MRPL1: variants seen among roughly 807,000 people sequenced by gnomAD.
MRPL1 encodes mitochondrial ribosomal protein L1.
A neutral mutation model predicts 38.0 loss-of-function variants in MRPL1; 28 were observed. The ratio of observed to expected loss-of-function variants is 0.74; its 90% CI spans 0.55 to 1.01. The LOEUF is 1.01. Ranked by LOEUF, MRPL1 falls within the 50% of genes least tolerant of loss-of-function variation. The pLI is 0.00. For missense variants in MRPL1, 358 were observed against 389.8 expected, an observed-to-expected ratio of 0.92 and a Z score of 0.69; for synonymous variants, 123 against 126.7, an observed-to-expected ratio of 0.97 and a Z score of 0.20.
intron 4 of MRPL1, among the ~76,000 whole-genome samples, chr4:77,886,237 TACTC>T (rs1400716685): frequency 6.6e-6 from 1 of 152,116 alleles, no homozygotes; most frequent in East Asian, 1.9e-4. Context: ...GGTGCAGTCA[TACTC>T]ACTATAGCCT....
intron 7 of MRPL1, among the ~76,000 whole-genome samples, chr4:77,924,312 A>T (rs1165400300): frequency 6.6e-6 from 1 of 152,110 alleles, no homozygotes; most frequent in East Asian, 1.9e-4. Context: ...TGTGCTCAAG[A>T]GCAGTTTATA....
intron 6 of MRPL1, among the ~76,000 whole-genome samples, chr4:77,908,537 T>C (rs1200572215): frequency 6.6e-6 from 1 of 152,164 alleles, no homozygotes; most frequent in East Asian, 1.9e-4. Flanking sequence ...CTGGCCAGTG[T>C]TATCTTTTGC....
chr4:77,896,300 C>T (rs1280343450), intron 6 of MRPL1, among the ~76,000 whole-genome samples: 3 of 151,918 alleles, frequency 2.0e-5, no homozygotes, highest in African/African-American at 7.3e-5. Context: ...CTTTATTTCT[C>T]CTTTCATAAT....
chr4:77,947,157 C>T (rs1398228336), intron 7 of MRPL1, among the ~76,000 whole-genome samples: 1 of 152,052 alleles, frequency 6.6e-6, no homozygotes, highest in African/African-American at 2.4e-5. Flanking sequence ...CACCTGTGTC[C>T]ACTGAGCCAC....
At chr4:77,885,402 C>T in intron 4 of MRPL1, 63 bp downstream of exon 4, 2 of 1,298,644 alleles carry the variant, frequency 1.5e-6, no homozygotes, top group East Asian at 2.4e-5. Flanking sequence ...GAGTCTCACT[C>T]TGTCACCAGT....
At position 77,929,392 on chromosome 4, in the gene MRPL1, G is replaced by A. The variant is rs1228687901; in HGVS notation, c.777+20020G>A. Among the ~76,000 whole-genome samples, 7 of 152,268 alleles carry A rather than the reference G, an allele frequency of 4.6e-5. No homozygotes were observed. The East Asian group carries it at 9.6e-4, about 21-fold the overall frequency. On this transcript the variant is annotated intron_variant, in intron 7 of 8. Coordinates refer to ENST00000315567, the MANE Select transcript of MRPL1 (RefSeq NM_020236.4). The stretch of plus-strand genomic sequence containing the variant: ...GTGGATCTGAAAGATAATTCCTTAT[G>A]AGTGTCATTAGTATTACATCTAAAA...
intron 7 of MRPL1, 114 bp downstream of exon 7, chr4:77,909,486 A>G (rs1736238526): frequency 3.1e-6 from 2 of 652,680 alleles, no homozygotes; most frequent in South Asian, 2.0e-5. Context: ...TGGCACTAGC[A>G]TTAAGAATGG....
chr4:77,935,528 G>A lies in MRPL1; in HGVS notation c.778-14269G>A, dbSNP rs1042878418. Among the ~76,000 whole-genome samples, 17 of 152,072 alleles carry A rather than the reference G, an allele frequency of 1.1e-4. No individual in the cohort carries two copies. In the South Asian group the frequency reaches 3.5e-3, roughly 32 times the overall value. Reference sequence around the variant, plus strand: ...CCTGCCCTCGGCCTCATGAGTAGCTGGGATTACAGGTGCCCGCCATCATAC... The same window carrying A: ...CCTGCCCTCGGCCTCATGAGTAGCTAGGATTACAGGTGCCCGCCATCATAC... On this transcript the variant is annotated intron_variant, in intron 7 of 8. Coordinates refer to ENST00000315567, the MANE Select transcript of MRPL1 (RefSeq NM_020236.4).
At chr4:77,889,787 A>G (rs184767106) in intron 5 of MRPL1, among the ~76,000 whole-genome samples, 3 of 152,342 alleles carry the variant, frequency 2.0e-5, no homozygotes, top group Admixed American at 2.0e-4. Flanking sequence ...ATAAAAAATG[A>G]TAAAGGGGAT....
In MRPL1 at chr4:77,883,518, A is replaced by G. The variant is rs773575311; in HGVS notation, c.402+18A>G. The G allele has an allele frequency of 6.4e-7, 1 of 1,573,148 alleles. No homozygotes were observed. Among genetic ancestry groups the G allele is most frequent in the South Asian group, 1.2e-5 (1 of 83,340 alleles). On this transcript the variant is annotated intron_variant, in intron 3 of 8. Transcript: ENST00000315567. ...GAAAGAAGGTATGTAGAGTCCATTA[A>G]AATAAGTTTACCTGTGAACAGTGGC...
At chr4:77,910,679 TA>T (rs1024977230) in intron 7 of MRPL1, among the ~76,000 whole-genome samples, 2 of 152,194 alleles carry the variant, frequency 1.3e-5, no homozygotes, top group African/African-American at 4.8e-5. Context: ...AATCCTCCCT[TA>T]GCCTTCTGGG....
intron 7 of MRPL1, among the ~76,000 whole-genome samples, chr4:77,931,935 A>G (rs1736854545): frequency 6.6e-6 from 1 of 152,168 alleles, no homozygotes; most frequent in Non-Finnish European, 1.5e-5. Flanking sequence ...GAGGAGATGG[A>G]CGCAGAGCAC....
chr4:77,921,366 T>C (rs1437371000), intron 7 of MRPL1, among the ~76,000 whole-genome samples: 1 of 152,112 alleles, frequency 6.6e-6, no homozygotes, highest in East Asian at 1.9e-4. Flanking sequence ...AGTGTGTGTA[T>C]GTGTGGCTAT....
intron 7 of MRPL1, among the ~76,000 whole-genome samples, chr4:77,931,856 G>A (rs1736852729): frequency 6.6e-6 from 1 of 151,844 alleles, no homozygotes; most frequent in Non-Finnish European, 1.5e-5. Context: ...TGTTTTGCAG[G>A]ACGTCATTAA....
intron 7 of MRPL1, among the ~76,000 whole-genome samples, chr4:77,933,157 G>C (rs1405348060): frequency 6.6e-6 from 1 of 152,080 alleles, no homozygotes; most frequent in Non-Finnish European, 1.5e-5. Context: ...TGTTGCTCAG[G>C]CTGGCCTCGA....
At chr4:77,883,923 C>G (rs1735611226) in intron 3 of MRPL1, among the ~76,000 whole-genome samples, 1 of 152,116 alleles carries the variant, frequency 6.6e-6, no homozygotes, top group Non-Finnish European at 1.5e-5. Context: ...TAGAAAACTT[C>G]ATGCTCTTTC....
chr4:77,908,078 A>G (rs1736200032), intron 6 of MRPL1, among the ~76,000 whole-genome samples: 1 of 151,284 alleles, frequency 6.6e-6, no homozygotes, highest in Non-Finnish European at 1.5e-5. Flanking sequence ...AACTCATGCC[A>G]GTTTCTGTAA....
intron 5 of MRPL1, among the ~76,000 whole-genome samples, chr4:77,893,660 C>A (rs1223906069): frequency 6.6e-6 from 1 of 151,916 alleles, no homozygotes; most frequent in Non-Finnish European, 1.5e-5. Context: ...AGTTTCAGTT[C>A]TTTGTGAAAG....
At chr4:77,890,694 GTC>G (rs1366973164) in intron 5 of MRPL1, among the ~76,000 whole-genome samples, 2 of 152,174 alleles carry the variant, frequency 1.3e-5, no homozygotes, top group Non-Finnish European at 2.9e-5. Flanking sequence ...AAGTCAAATT[GTC>G]TCTGTTTGCA....
Sources: allele counts gnomAD v4.1 joint callset (sites outside exome capture counted in the v4.1 genomes callset), GRCh38; gene constraint gnomAD v4.1.1; transcripts MANE v1.5; gene names NCBI Gene and HGNC (gene_info 2026-07-23, HGNC 2026-07-21).